ELAVL2: variants seen among roughly 807,000 people sequenced by gnomAD.
ELAVL2 encodes ELAV-like protein 2.
Under a neutral mutation model 34.6 loss-of-function variants are expected in ELAVL2, and 4 were observed. The ratio of observed to expected loss-of-function variants is 0.12; its 90% CI spans 0.06 to 0.26. The LOEUF (loss-of-function observed/expected upper bound fraction) is 0.26. Among genes scored for constraint, ELAVL2 ranks in the 10% least tolerant of loss-of-function variants. ELAVL2 has a pLI of 1.00. For synonymous variants in ELAVL2, 193 were observed against 154.8 expected, an observed-to-expected ratio of 1.25 and a Z score of -1.83; for missense variants, 432 against 442.8, an observed-to-expected ratio of 0.98 and a Z score of 0.22.
chr9:23,758,461 C>T (rs1053271631), intron 2 of ELAVL2, among the ~76,000 whole-genome samples: 22 of 152,070 alleles, frequency 1.4e-4, no homozygotes, highest in African/African-American at 5.1e-4. Context: ...CATTTTAACC[C>T]ATATTACAAA....
intron 2 of ELAVL2, among the ~76,000 whole-genome samples, chr9:23,733,188 A>AAG (rs1322999940): frequency 1.3e-5 from 2 of 151,236 alleles, no homozygotes; most frequent in African/African-American, 4.9e-5. Context: ...AAAAAAAAAA[A>AAG]AAAACTAAAA....
chr9:23,779,316 CAG>C (rs1157383813), intron 1 of ELAVL2: 6 of 985,230 alleles, frequency 6.1e-6, no homozygotes, highest in Admixed American at 6.2e-5. Context: ...AGTGGGCAGA[CAG>C]AGGAACAAAG....
At chr9:23,697,021 C>G (rs2035501586) in intron 5 of ELAVL2, among the ~76,000 whole-genome samples, 1 of 152,062 alleles carries the variant, frequency 6.6e-6, no homozygotes, top group Admixed American at 6.5e-5. Context: ...GTATCACCTG[C>G]CTCCCTGGGG....
chr9:23,754,713 T>A (rs542034482), intron 2 of ELAVL2, among the ~76,000 whole-genome samples: 1 of 152,198 alleles, frequency 6.6e-6, no homozygotes, highest in African/African-American at 2.4e-5. Context: ...TTCGCCTGCA[T>A]TGGCCTTCCA....
At chr9:23,705,400 G>A (rs770424228) in intron 3 of ELAVL2, among the ~76,000 whole-genome samples, 8 of 152,182 alleles carry the variant, frequency 5.3e-5, no homozygotes, top group Non-Finnish European at 1.0e-4. Flanking sequence ...ATTTGCGGAG[G>A]TATAGTGATT....
chr9:23,771,463 AC>A (rs1467835504), intron 1 of ELAVL2, among the ~76,000 whole-genome samples: 2 of 151,942 alleles, frequency 1.3e-5, no homozygotes, highest in Non-Finnish European at 2.9e-5. Context: ...AACCCAACAT[AC>A]AAAAATTTTG....
chr9:23,754,553 G>C (rs2053058781), intron 2 of ELAVL2, among the ~76,000 whole-genome samples: 1 of 152,018 alleles, frequency 6.6e-6, no homozygotes, highest in Non-Finnish European at 1.5e-5. Context: ...CTGCCTCCTG[G>C]GTTCAAGCAA....
intron 1 of ELAVL2, among the ~76,000 whole-genome samples, chr9:23,820,044 G>A (rs961741135): frequency 6.6e-6 from 1 of 151,338 alleles, no homozygotes; most frequent in Non-Finnish European, 1.5e-5. Context: ...AGGTTACTAA[G>A]ACAAGGTAGA....
chr9:23,773,604 T>C (rs1280382216), intron 1 of ELAVL2, among the ~76,000 whole-genome samples: 5 of 152,094 alleles, frequency 3.3e-5, no homozygotes, highest in African/African-American at 1.2e-4. Flanking sequence ...TATTCCCAAG[T>C]GTTGATGAGA....
At chr9:23,845,220 A>G in the ELAVL2 span, among the ~76,000 whole-genome samples, 1 of 151,846 alleles carries the variant, frequency 6.6e-6, no homozygotes, top group Non-Finnish European at 1.5e-5. Context: ...TCATATTGCT[A>G]TAACCATAAC....
intron 1 of ELAVL2, among the ~76,000 whole-genome samples, chr9:23,811,038 T>A (rs913578673): frequency 6.6e-6 from 1 of 151,948 alleles, no homozygotes; most frequent in Non-Finnish European, 1.5e-5. Flanking sequence ...CAAGGGAGAG[T>A]CATTTGGAAG....
intron 3 of ELAVL2, among the ~76,000 whole-genome samples, chr9:23,707,831 T>G (rs1418019703): frequency 6.6e-6 from 1 of 152,190 alleles, no homozygotes; most frequent in Non-Finnish European, 1.5e-5. Context: ...TCTGAAAATT[T>G]AGGTAAATGC....
chr9:23,756,165 C>T (rs780081133), intron 2 of ELAVL2, among the ~76,000 whole-genome samples: 1 of 152,014 alleles, frequency 6.6e-6, no homozygotes, highest in Non-Finnish European at 1.5e-5. Context: ...TCAAAACTAG[C>T]TGTAAAATTC....
intron 3 of ELAVL2, among the ~76,000 whole-genome samples, chr9:23,715,676 A>T (rs181167604): frequency 3.3e-5 from 5 of 152,360 alleles, no homozygotes; most frequent in Admixed American, 2.0e-4. Flanking sequence ...TGCCAATACT[A>T]TCAAGATAAC....
At chr9:23,804,495 G>T (rs1292149591) in intron 1 of ELAVL2, among the ~76,000 whole-genome samples, 1 of 152,090 alleles carries the variant, frequency 6.6e-6, no homozygotes, top group Non-Finnish European at 1.5e-5. Flanking sequence ...CTATATAATA[G>T]AGATATATAC....
chr9:23,699,825 T>A (rs958637718), intron 5 of ELAVL2, among the ~76,000 whole-genome samples: 7 of 40,286 alleles, frequency 1.7e-4, no homozygotes, highest in African/African-American at 7.4e-4. Flanking sequence ...TTTTTTTTTT[T>A]TTTTTTTTTT....
intron 1 of ELAVL2, among the ~76,000 whole-genome samples, chr9:23,788,727 A>G (rs2059993093): frequency 6.6e-6 from 1 of 152,184 alleles, no homozygotes; most frequent in Non-Finnish European, 1.5e-5. Context: ...TGAAAGTAAA[A>G]GAAGGGCTAC....
intron 5 of ELAVL2, among the ~76,000 whole-genome samples, chr9:23,694,139 T>C (rs1318908571): frequency 6.6e-6 from 1 of 152,122 alleles, no homozygotes; most frequent in East Asian, 1.9e-4. Context: ...CACTCCAGTG[T>C]GCAACAAAGC....
At chr9:23,804,923 C>T (rs2062024811) in intron 1 of ELAVL2, among the ~76,000 whole-genome samples, 1 of 152,150 alleles carries the variant, frequency 6.6e-6, no homozygotes, top group African/African-American at 2.4e-5. Flanking sequence ...CTTTCCAGCT[C>T]TAACATTCTC....
Sources: gnomAD v4.1 joint callset for allele counts (sites outside exome capture counted in the v4.1 genomes callset) on GRCh38, gnomAD v4.1.1 for gene constraint, MANE v1.5 for transcripts, NCBI Gene and HGNC (gene_info 2026-07-23, HGNC 2026-07-21) for gene names.